The following CYBRD1 variants were observed in gnomAD, a reference collection of about 807,000 sequenced individuals.
The protein encoded by CYBRD1 is cytochrome b reductase 1, also known as plasma membrane ascorbate-dependent reductase CYBRD1.
CYBRD1 carries 14 observed loss-of-function variants against 21.9 expected under a neutral mutation model. The observed-to-expected ratio is 0.64, with a 90% CI of 0.42 to 1.00. The LOEUF (loss-of-function observed/expected upper bound fraction) is 1.00, where lower values mean the gene tolerates loss of function less well. CYBRD1 is among the 50% of genes least tolerant of loss of function. The pLI is 0.00. For missense variants in CYBRD1, 328 were observed against 352.5 expected (o/e 0.93, Z 0.56); for synonymous variants, 146 against 136.5 (o/e 1.07, Z -0.48).
At chr2:171,523,437 C>T (rs879297901) in intron 1 of CYBRD1, 5 of 217,768 alleles carry the variant, frequency 2.3e-5, no homozygotes, top group Non-Finnish European at 5.0e-5. Context: ...CCGCCCTGCC[C>T]AGTCATTGGA....
At chr2:171,542,491 AG>A (rs968156502) in intron 2 of CYBRD1, among the ~76,000 whole-genome samples, 5 of 152,152 alleles carry the variant, frequency 3.3e-5, no homozygotes, top group African/African-American at 1.2e-4. Context: ...CTACAAATAA[AG>A]GAAAGACAGA....
intron 3 of CYBRD1, 99 bp downstream of exon 3, chr2:171,553,599 G>A (rs2105348010): frequency 1.9e-6 from 2 of 1,074,394 alleles, no homozygotes; most frequent in Middle Eastern, 3.3e-4. Context: ...AAATTTTTTA[G>A]ATATTAAAAT....
chr2:171,554,806 T>C lies in CYBRD1; in HGVS notation c.840T>C (p.Ala280=), dbSNP rs771407164. ...AAAGAAACTTAGCTCTGGATGAGGC[T>C]GGGCAGAGATCTACCATGTAAAATG... ...ARKRNLALDE[A]GQRSTM The change falls in exon 4 of 4, where the codon GCT becomes GCC. Residue 280 remains alanine (A), a synonymous_variant. Coordinates refer to ENST00000321348, the MANE Select transcript of CYBRD1 (RefSeq NM_024843.4). 63 of 1,612,974 alleles carry C rather than the reference T, an allele frequency of 3.9e-5. 2 individuals are homozygous for C. The South Asian group carries it at 6.6e-4, about 17-fold the overall frequency.
intron 2 of CYBRD1, among the ~76,000 whole-genome samples, 198 bp from the exon 3 acceptor site, chr2:171,553,148 A>C (rs1295904339): frequency 2.0e-5 from 3 of 152,202 alleles, no homozygotes; most frequent in African/African-American, 4.8e-5. Flanking sequence ...AGGGATAATA[A>C]ATTTTCTGGA....
upstream of CYBRD1, chr2:171,522,372 C>T: frequency 6.7e-7 from 1 of 1,498,460 alleles, no homozygotes; most frequent in Non-Finnish European, 8.9e-7. This position sits in a 1 kb window ranked among gnomAD's most constrained non-coding sequence, Gnocchi z 4.3. Context: ...GGGCCAGCTC[C>T]CCACCCCCAA....
chr2:171,547,848 G>A (rs1312417188), intron 2 of CYBRD1, among the ~76,000 whole-genome samples: 3 of 151,986 alleles, frequency 2.0e-5, no homozygotes, highest in African/African-American at 4.8e-5. Flanking sequence ...TGCTGAGCAG[G>A]GTTGTTGAAC....
At chr2:171,524,067 G>A (rs975408899) in intron 1 of CYBRD1, among the ~76,000 whole-genome samples, 16 of 152,284 alleles carry the variant, frequency 1.1e-4, no homozygotes, top group African/African-American at 3.6e-4. Flanking sequence ...TTTTGTTTTT[G>A]TTGGTTGTTT....
rs955222256 is a variant in CYBRD1, at chr2:171,543,890, G to A, written c.402+2097G>A. On this transcript the variant is annotated intron_variant, in intron 2 of 3. Coordinates refer to ENST00000321348, the MANE Select transcript of CYBRD1 (RefSeq NM_024843.4). ...CTTGCTATTTTCAGTTAGAAACTAT[G>A]CTGCATTGAATATTCATATATACAT... Among the ~76,000 whole-genome samples the A allele has an allele frequency of 2.6e-5, 4 of 152,178 alleles. No individual in the cohort carries two copies. The East Asian group carries it at 7.7e-4, about 29-fold the overall frequency.
Position 171,522,706 on chromosome 2 carries a change from T to C in CYBRD1, c.161T>C (p.Met54Thr). Residue 54 changes from methionine (M) to threonine (T), a missense_variant, in exon 1 of 4, where the codon ATG becomes ACG. Transcript: ENST00000321348. The surrounding 1 kb of genome is among the most constrained non-coding windows in gnomAD (Gnocchi z 4.3). ...GAGTTTAACTGGCACCCAGTGCTCA[T>C]GGTCACCGGCTTCGTCTTCATCCAG... ...ALEFNWHPVL[M>T]VTGFVFIQGI... The C allele has an allele frequency of 1.2e-6, 2 of 1,613,428 alleles. No homozygotes were observed. Among genetic ancestry groups the C allele is most frequent in the Non-Finnish European group, 1.7e-6 (2 of 1,179,894 alleles).
rs1697328580 is a variant in CYBRD1, at chr2:171,522,847, G to A, written c.193+109G>A. 6.5e-7 allele frequency: 1 copy of A among 1,534,114 alleles called. No homozygotes were observed. The highest frequency in any genetic ancestry group is 2.0e-5 in the Admixed American group (1 of 49,516). On this transcript the variant is annotated intron_variant, in intron 1 of 3. Coordinates refer to ENST00000321348, the MANE Select transcript of CYBRD1 (RefSeq NM_024843.4). This position sits in a 1 kb window ranked among gnomAD's most constrained non-coding sequence, Gnocchi z 4.3. ...CTGAGGAAGTGCTGGAGGATCGCGG[G>A]GCCCGGAGGAGTGCGGTGAGGAGCG... is the stretch of plus-strand genomic sequence containing the variant.
In CYBRD1 at chr2:171,555,582, C is replaced by T. The variant is rs1210044253; in HGVS notation, c.*755C>T. Reference sequence around the variant, plus strand: ...TTCTTAGAATGAAAATATGCTTCAACACTTAAGTAGCATACACTGCCCTAC... The same window carrying T: ...TTCTTAGAATGAAAATATGCTTCAATACTTAAGTAGCATACACTGCCCTAC... On this transcript the variant is annotated 3_prime_UTR_variant, in exon 4 of 4. Transcript: ENST00000321348. 2 of 152,304 alleles carry T rather than the reference C, an allele frequency of 1.3e-5. No homozygotes were observed. The highest frequency in any genetic ancestry group is 4.8e-5 in the African/African-American group (2 of 41,460). 9.4% of individuals were successfully genotyped at this position (152,304 alleles called of 1,614,324 possible).
chr2:171,527,955 T>C (rs1697408441), intron 1 of CYBRD1, among the ~76,000 whole-genome samples: 1 of 152,184 alleles, frequency 6.6e-6, no homozygotes, highest in Non-Finnish European at 1.5e-5. Flanking sequence ...TCCACCAAAA[T>C]TGTGCTTAAT....
intron 2 of CYBRD1, among the ~76,000 whole-genome samples, chr2:171,544,411 G>A (rs190659196): frequency 6.6e-6 from 1 of 151,588 alleles, no homozygotes; most frequent in African/African-American, 2.4e-5. Context: ...GTTTTCTTTT[G>A]GTGACTTGTT....
intron 1 of CYBRD1, among the ~76,000 whole-genome samples, chr2:171,529,229 C>T (rs1697428207): frequency 6.6e-6 from 1 of 152,066 alleles, no homozygotes; most frequent in Admixed American, 6.5e-5. Flanking sequence ...TTCAACTAAA[C>T]ATTCAGACAC....
At chr2:171,532,788 G>T (rs191003441) in intron 1 of CYBRD1, among the ~76,000 whole-genome samples, 110 of 151,850 alleles carry the variant, frequency 7.2e-4, no homozygotes, top group Non-Finnish European at 1.2e-3. Context: ...GCGACATAGT[G>T]AGACTCTGTC....
rs145614832 is a variant in CYBRD1 at position 171,556,071 on chromosome 2, C to T, written c.*1244C>T. The T allele has an allele frequency of 1.3e-5, 2 of 152,352 alleles. No individual in the cohort carries two copies. Among genetic ancestry groups the T allele is most frequent in the East Asian group, 1.9e-4 (1 of 5,196 alleles). The allele number at this position is 152,352 out of a possible 1,614,324, so 9.4% of individuals were successfully genotyped here. ...TACCTGGAAATAGGCCATAGGGCCC[C>T]TACTACTGCCAACAAGCCATGGCCT... On this transcript the variant is annotated 3_prime_UTR_variant, in exon 4 of 4. Transcript: ENST00000321348.
intron 1 of CYBRD1, among the ~76,000 whole-genome samples, chr2:171,523,740 C>T (rs1448021982): frequency 6.6e-6 from 1 of 151,416 alleles, no homozygotes; most frequent in Non-Finnish European, 1.5e-5. Context: ...CTCTCAATGT[C>T]CTGACTGCTT....
chr2:171,541,546 A>G (rs373329619), intron 1 of CYBRD1, 39 bp from the exon 2 acceptor site: 11 of 1,597,664 alleles, frequency 6.9e-6, no homozygotes, highest in African/African-American at 5.4e-5. Context: ...TTTAAAAAAC[A>G]AAACAAAACA....
chr2:171,553,392 C>G lies in CYBRD1; in HGVS notation c.449C>G (p.Ser150Cys), dbSNP rs765666345. ...SVFLLPWAPLSLRAFLMPIHV... is the reference protein window; with the variant it reads ...SVFLLPWAPLCLRAFLMPIHV... Reference sequence around the variant, plus strand: ...TTTCTGCTTCCATGGGCTCCGCTTTCTCTCCGAGCATTTCTCATGCCCATA... The same window carrying G: ...TTTCTGCTTCCATGGGCTCCGCTTTGTCTCCGAGCATTTCTCATGCCCATA... Residue 150 changes from serine to cysteine, a missense_variant, in exon 3 of 4, where the codon TCT (serine) becomes TGT (cysteine). Ser to Cys is a moderately radical substitution (Grantham distance 112). Coordinates refer to ENST00000321348, the MANE Select transcript of CYBRD1 (RefSeq NM_024843.4). 1.2e-6 allele frequency: 2 copies of G among 1,613,714 alleles called. No individual in the cohort carries two copies. Among genetic ancestry groups the G allele is most frequent in the Non-Finnish European group, 1.7e-6 (2 of 1,179,760 alleles).
Sources: allele counts gnomAD v4.1 joint callset (sites outside exome capture counted in the v4.1 genomes callset), GRCh38; gene constraint gnomAD v4.1.1; non-coding constraint Gnocchi (gnomAD v3.1); transcripts MANE v1.5; gene names NCBI Gene and HGNC (gene_info 2026-07-23, HGNC 2026-07-21).